The following RABGAP1L variants were observed in gnomAD, a reference collection of about 807,000 sequenced individuals.
RABGAP1L encodes the protein RAB GTPase activating protein 1 like.
RABGAP1L carries 63 observed loss-of-function variants against 137.7 expected under a neutral mutation model. That is an observed-to-expected ratio of 0.46 (90% confidence interval 0.37 to 0.56). The LOEUF (loss-of-function observed/expected upper bound fraction) is 0.56. Among genes scored for constraint, RABGAP1L ranks in the 20% least tolerant of loss-of-function variants. RABGAP1L has a pLI of 0.00. For synonymous variants in RABGAP1L, 431 were observed against 433.7 expected, an observed-to-expected ratio of 0.99 and a Z score of 0.08; for missense variants, 1,095 against 1,244.0, an observed-to-expected ratio of 0.88 and a Z score of 1.80.
chr1:174,767,731 A>G (rs530254769), intron 18 of RABGAP1L, among the ~76,000 whole-genome samples: 1 of 152,254 alleles, frequency 6.6e-6, no homozygotes, highest in African/African-American at 2.4e-5. Flanking sequence ...GATTTTTGAA[A>G]TACAAGATGT....
At chr1:174,643,847 A>G (rs1415800882) in intron 14 of RABGAP1L, among the ~76,000 whole-genome samples, 1 of 152,060 alleles carries the variant, frequency 6.6e-6, no homozygotes, top group Non-Finnish European at 1.5e-5. Context: ...TATTTAGAAC[A>G]CTAAATATAT....
At chr1:174,473,687 A>G (rs1658188406) in intron 13 of RABGAP1L, among the ~76,000 whole-genome samples, 2 of 152,180 alleles carry the variant, frequency 1.3e-5, no homozygotes, top group African/African-American at 4.8e-5. Context: ...AAAGTTCTCA[A>G]ACTTTATTTT....
At chr1:174,458,850 T>G (rs565751104) in intron 13 of RABGAP1L, among the ~76,000 whole-genome samples, 4 of 152,096 alleles carry the variant, frequency 2.6e-5, no homozygotes, top group African/African-American at 9.6e-5. Flanking sequence ...CTAAAAGAGT[T>G]AATTTACTTA....
At chr1:174,394,918 G>T (rs1647632070) in intron 13 of RABGAP1L, among the ~76,000 whole-genome samples, 1 of 145,332 alleles carries the variant, frequency 6.9e-6, no homozygotes, top group African/African-American at 2.5e-5. Flanking sequence ...TATTTTCTGA[G>T]TGCCTAGTAT....
intron 13 of RABGAP1L, among the ~76,000 whole-genome samples, chr1:174,584,937 C>G (rs1669008815): frequency 6.6e-6 from 1 of 151,862 alleles, no homozygotes; most frequent in African/African-American, 2.4e-5. Flanking sequence ...CCTGCCCTGT[C>G]CAATGTAATA....
intron 13 of RABGAP1L, among the ~76,000 whole-genome samples, chr1:174,618,594 AG>A (rs1167133621): frequency 2.6e-5 from 4 of 152,244 alleles, no homozygotes; most frequent in Non-Finnish European, 4.4e-5. Flanking sequence ...GACTGTTAGA[AG>A]AAAAACTAAC....
intron 19 of RABGAP1L, among the ~76,000 whole-genome samples, chr1:174,831,392 G>C (rs1692100268): frequency 6.8e-6 from 1 of 147,996 alleles, no homozygotes; most frequent in African/African-American, 2.5e-5. Flanking sequence ...GGTTTTTCAG[G>C]GTAAATGTTG....
At chr1:174,172,176 TTGTGTGTGTGTGTG>T (rs34345014) in intron 1 of RABGAP1L, among the ~76,000 whole-genome samples, 65 of 123,610 alleles carry the variant, frequency 5.3e-4, no homozygotes, top group African/African-American at 1.6e-3. Flanking sequence ...TAATATTCCC[TTGTGTGTGTGTGTG>T]TGTGTGTGTG....
At chr1:174,200,894 A>G (rs74128318) in intron 1 of RABGAP1L, among the ~76,000 whole-genome samples, 1,883 of 152,258 alleles carry the variant, frequency 0.012, 47 homozygotes, top group African/African-American at 0.043. Flanking sequence ...AACTTTTTCA[A>G]TGTGTCCCCG....
chr1:174,432,092 T>C (rs1652702396), intron 13 of RABGAP1L, among the ~76,000 whole-genome samples: 1 of 152,158 alleles, frequency 6.6e-6, no homozygotes, highest in South Asian at 2.1e-4. Flanking sequence ...CCATAGTTTT[T>C]TAAGCCTTAC....
chr1:174,660,027 C>T (rs1440064819), intron 14 of RABGAP1L, among the ~76,000 whole-genome samples: 1 of 152,164 alleles, frequency 6.6e-6, no homozygotes, highest in African/African-American at 2.4e-5. Flanking sequence ...CTCACAGAGG[C>T]ACTGGATGGA....
intron 11 of RABGAP1L, among the ~76,000 whole-genome samples, chr1:174,331,167 C>T (rs890275400): frequency 1.3e-5 from 2 of 152,176 alleles, no homozygotes; most frequent in African/African-American, 4.8e-5. Context: ...CCCTCTCTCT[C>T]TCTGTATGTA....
At chr1:174,263,348 G>A (rs1320654480) in intron 7 of RABGAP1L, among the ~76,000 whole-genome samples, 1 of 152,186 alleles carries the variant, frequency 6.6e-6, no homozygotes, top group East Asian at 1.9e-4. Flanking sequence ...AGTTCTTCTT[G>A]TGGTACTCTC....
chr1:174,274,630 G>GTGTC (rs1193355696), intron 8 of RABGAP1L, among the ~76,000 whole-genome samples: 1 of 151,892 alleles, frequency 6.6e-6, no homozygotes, highest in Non-Finnish European at 1.5e-5. Flanking sequence ...GTGTGTGTGT[G>GTGTC]TGTGTGTGTA....
intron 1 of RABGAP1L, among the ~76,000 whole-genome samples, chr1:174,171,229 T>C (rs533435812): frequency 3.3e-4 from 50 of 152,304 alleles, no homozygotes; most frequent in Non-Finnish European, 6.3e-4. Context: ...ATCCTCAAAT[T>C]AGCGAGATAT....
intron 11 of RABGAP1L, among the ~76,000 whole-genome samples, chr1:174,308,846 A>T (rs1289450461): frequency 6.6e-6 from 1 of 151,588 alleles, no homozygotes; most frequent in Non-Finnish European, 1.5e-5. Flanking sequence ...AGATTGCTTC[A>T]CCTATTTGGG....
At chr1:174,804,172 G>T (rs917092984) in intron 18 of RABGAP1L, among the ~76,000 whole-genome samples, 1 of 151,966 alleles carries the variant, frequency 6.6e-6, no homozygotes, top group Non-Finnish European at 1.5e-5. Flanking sequence ...CTCTGTAAGT[G>T]TGTGATATTT....
chr1:174,882,511 G>A lies in RABGAP1L; in HGVS notation c.2340+70551G>A, dbSNP rs539719389. Among the ~76,000 whole-genome samples, 4 of 152,084 alleles carry A rather than the reference G, an allele frequency of 2.6e-5. No individual in the cohort carries two copies. In the South Asian group the frequency reaches 8.3e-4, roughly 32 times the overall value. The stretch of plus-strand genomic sequence containing the variant: ...TGTTGCCACATGTTATGTATGAAGG[G>A]GATTTTTCTGTTTTATTCAATCGTT... On this transcript the variant is annotated intron_variant, in intron 19 of 25. Coordinates refer to ENST00000681986, the MANE Select transcript of RABGAP1L (RefSeq NM_001366446.1).
In RABGAP1L at chr1:174,327,678, ATTC is replaced by A. The variant is rs375505884; in HGVS notation, c.1465+22557_1465+22559del. ...ATTAACTTGAGTGTAAATTGATTAA[ATTC>A]TTCTTTGAAAAGACGCAGAGTGGCT... On this transcript the variant is annotated intron_variant, in intron 11 of 25. Coordinates refer to ENST00000681986, the MANE Select transcript of RABGAP1L (RefSeq NM_001366446.1). 7.8e-4 allele frequency among the ~76,000 whole-genome samples: 118 copies of A among 152,010 alleles called. 2 individuals carry two copies. The East Asian group carries it at 0.018, about 23-fold the overall frequency.
Sources: allele counts gnomAD v4.1 joint callset (sites outside exome capture counted in the v4.1 genomes callset), GRCh38; gene constraint gnomAD v4.1.1; transcripts MANE v1.5; gene names NCBI Gene and HGNC (gene_info 2026-07-23, HGNC 2026-07-21).